DGKG: variants seen among roughly 807,000 people sequenced by gnomAD.
The protein encoded by DGKG is diacylglycerol kinase gamma.
Under a neutral mutation model 105.3 loss-of-function variants are expected in DGKG, and 78 were observed. The observed-to-expected ratio is 0.74, with a 90% CI of 0.62 to 0.89. The LOEUF is 0.89. Among genes scored for constraint, DGKG ranks in the 40% least tolerant of loss-of-function variants. The pLI, the probability that DGKG is intolerant of heterozygous loss-of-function variation, is 0.00. For synonymous variants in DGKG, 346 were observed against 367.1 expected, an observed-to-expected ratio of 0.94 and a Z score of 0.66; for missense variants, 958 against 1,020.1, an observed-to-expected ratio of 0.94 and a Z score of 0.83.
chr3:186,289,208 G>T (rs1723206003), intron 5 of DGKG, among the ~76,000 whole-genome samples: 1 of 152,050 alleles, frequency 6.6e-6, no homozygotes, highest in Non-Finnish European at 1.5e-5. Flanking sequence ...CTACTTTTTT[G>T]GGAACATACC....
At chr3:186,340,320 A>C (rs2108659780) in intron 1 of DGKG, among the ~76,000 whole-genome samples, 1 of 152,286 alleles carries the variant, frequency 6.6e-6, no homozygotes, top group East Asian at 1.9e-4. Context: ...AGGGGTTAGG[A>C]GTGGCTGGAT....
intron 1 of DGKG, among the ~76,000 whole-genome samples, chr3:186,355,209 C>A: frequency 6.6e-6 from 1 of 152,138 alleles, no homozygotes; most frequent in Non-Finnish European, 1.5e-5. Flanking sequence ...ACCACCAACA[C>A]CACTATCGTC....
Position 186,260,466 on chromosome 3 carries a change from T to C in DGKG, c.1397A>G (p.Asn466Ser). The C allele has an allele frequency of 6.2e-7, 1 of 1,613,580 alleles. No homozygotes were observed. The highest frequency in any genetic ancestry group is 8.5e-7 in the Non-Finnish European group (1 of 1,179,632). The change falls in exon 16 of 25, where the codon AAC becomes AGC. Residue 466 changes from asparagine to serine, a missense_variant. Physicochemically the swap from Asn to Ser is conservative, Grantham distance 46 (BLOSUM62 1). Around this residue, in one of 2 missense-constraint regions of DGKG, gnomAD observed 643 missense variants for 619.5 expected, o/e 1.04. Transcript: ENST00000265022. ...TGGAGTAGGCCCCCCATTGTCCAGG[T>C]TGAAAACTTGTTTGGGGTTGAGCAG... Reference protein sequence around the residue: ...HYLLNPKQVFNLDNGGPTPGL... With the variant: ...HYLLNPKQVFSLDNGGPTPGL...
At chr3:186,342,012 G>A (rs1726110572) in intron 1 of DGKG, among the ~76,000 whole-genome samples, 1 of 152,182 alleles carries the variant, frequency 6.6e-6, no homozygotes, top group Non-Finnish European at 1.5e-5. Context: ...TCTGGGGACT[G>A]TTGTGGGGTG....
intron 19 of DGKG, among the ~76,000 whole-genome samples, chr3:186,246,656 T>C (rs946618784): frequency 2.6e-5 from 4 of 152,264 alleles, no homozygotes; most frequent in African/African-American, 9.6e-5. Flanking sequence ...ACTGTATTAG[T>C]ATCTTCATGG....
chr3:186,288,939 C>T (rs1400463276), intron 5 of DGKG, 59 bp from the exon 6 acceptor site: 11 of 1,454,292 alleles, frequency 7.6e-6, no homozygotes, highest in Non-Finnish European at 9.2e-6. Context: ...ATATTAACCC[C>T]TCTTTGTTAC....
chr3:186,157,550 A>G (rs1165654008), intron 24 of DGKG, among the ~76,000 whole-genome samples: 1 of 152,196 alleles, frequency 6.6e-6, no homozygotes, highest in Non-Finnish European at 1.5e-5. Context: ...TCCTAGTAGT[A>G]TGGAAGATCT....
chr3:186,334,889 A>G (rs966259549), intron 1 of DGKG, among the ~76,000 whole-genome samples: 1 of 152,204 alleles, frequency 6.6e-6, no homozygotes, highest in Non-Finnish European at 1.5e-5. Flanking sequence ...CATCGAGAAA[A>G]TGCAAATATA....
intron 9 of DGKG, among the ~76,000 whole-genome samples, chr3:186,278,795 C>T (rs970841127): frequency 6.6e-5 from 10 of 152,130 alleles, no homozygotes; most frequent in African/African-American, 2.4e-4. Flanking sequence ...GCACTTGCTG[C>T]CCTGTTCCTC....
rs142715909 is a variant in DGKG, at chr3:186,322,385, G to A, written c.-248-1678C>T. ...GTGAGAGCTGAACACTGAGAACACA[G>A]GGACACAAAGAAGGGAACAATAGGT... On this transcript the variant is annotated intron_variant, in intron 1 of 24. Transcript: ENST00000265022. Among the ~76,000 whole-genome samples the A allele has an allele frequency of 5.5e-3, 843 of 152,204 alleles. 9 individuals are homozygous for A. The highest frequency in any genetic ancestry group is 0.018 in the African/African-American group (764 of 41,526).
intron 8 of DGKG, 42 bp from the exon 9 acceptor site, chr3:186,280,015 G>A (rs541375571): frequency 6.0e-5 from 96 of 1,610,376 alleles, no homozygotes; most frequent in Admixed American, 2.5e-4. Flanking sequence ...TTTCATCATC[G>A]ACATGTCTAC....
At chr3:186,169,141 T>C (rs574230479) in intron 22 of DGKG, among the ~76,000 whole-genome samples, 189 of 152,332 alleles carry the variant, frequency 1.2e-3, no homozygotes, top group South Asian at 2.3e-3. Flanking sequence ...AAATAAGTGA[T>C]ATGGTATCTA....
At chr3:186,275,005 C>T (rs1722512451) in intron 10 of DGKG, among the ~76,000 whole-genome samples, 2 of 152,142 alleles carry the variant, frequency 1.3e-5, no homozygotes, top group Non-Finnish European at 2.9e-5. Flanking sequence ...GTCCCACCAA[C>T]AGTGTAAAAG....
intron 17 of DGKG, among the ~76,000 whole-genome samples, chr3:186,257,557 C>T (rs555440159): frequency 3.3e-5 from 5 of 152,178 alleles, no homozygotes; most frequent in Non-Finnish European, 7.3e-5. Context: ...TGTCCTCCCA[C>T]CCCCCAAATC....
intron 1 of DGKG, among the ~76,000 whole-genome samples, chr3:186,356,896 C>G (rs1726991730): frequency 6.6e-6 from 1 of 152,100 alleles, no homozygotes; most frequent in South Asian, 2.1e-4. Flanking sequence ...CCGCCCTTTT[C>G]CCCCTTCTCT....
chr3:186,325,026 C>A (rs1313080329), intron 1 of DGKG, among the ~76,000 whole-genome samples: 1 of 152,168 alleles, frequency 6.6e-6, no homozygotes, highest in African/African-American at 2.4e-5. Flanking sequence ...TACTACACAG[C>A]CGTAAAAAAG....
Position 186,158,859 on chromosome 3 carries a change from T to TA in DGKG, c.2277+2743dup, listed in dbSNP as rs1026137116. On this transcript the variant is annotated intron_variant, in intron 24 of 24. Transcript: ENST00000265022. ...ATAATTGAATGTACTTTTTATCAAATAAAAAATGTGTTTACTTATTCTGCT... is the reference window on the plus strand; with the variant it reads ...ATAATTGAATGTACTTTTTATCAAATAAAAAAATGTGTTTACTTATTCTGCT... 25 of 949,566 alleles carry TA rather than the reference T, an allele frequency of 2.6e-5. No homozygotes were observed. In the African/African-American group the frequency reaches 4.1e-4, roughly 15 times the overall value. 58.8% of individuals were successfully genotyped at this position (949,566 alleles called of 1,614,324 possible).
At chr3:186,260,711 C>T (rs899893004) in intron 15 of DGKG, among the ~76,000 whole-genome samples, 198 bp from the exon 16 acceptor site, 8 of 152,170 alleles carry the variant, frequency 5.3e-5, no homozygotes, top group Non-Finnish European at 1.0e-4. Context: ...TTATCACTCC[C>T]GGTTCAAGGC....
chr3:186,208,380 C>G (rs56078715), intron 21 of DGKG, among the ~76,000 whole-genome samples: 27,535 of 150,962 alleles, frequency 0.18, 2,677 homozygotes, highest in Middle Eastern at 0.27. Flanking sequence ...CCTGCAGTCT[C>G]TCATTTGAGC....
Sources: allele counts gnomAD v4.1 joint callset (sites outside exome capture counted in the v4.1 genomes callset), GRCh38; gene constraint gnomAD v4.1.1; regional missense constraint gnomAD v4.1.1; transcripts MANE v1.5; gene names NCBI Gene and HGNC (gene_info 2026-07-23, HGNC 2026-07-21).